TMEM135: variants seen among roughly 807,000 people sequenced by gnomAD.
The protein encoded by TMEM135 is peroxisomal membrane protein 52.
In TMEM135, 30 loss-of-function variants were observed where a neutral mutation model predicts 60.3. The ratio of observed to expected loss-of-function variants is 0.50; its 90% CI spans 0.37 to 0.68. The LOEUF (loss-of-function observed/expected upper bound fraction) is 0.68, where lower values mean the gene tolerates loss of function less well. Ranked by LOEUF, TMEM135 falls within the 30% of genes least tolerant of loss-of-function variation. TMEM135 has a pLI of 0.00. For synonymous variants in TMEM135, 190 were observed against 186.7 expected (o/e 1.02, Z -0.14); for missense variants, 468 against 548.8 (o/e 0.85, Z 1.47).
intron 4 of TMEM135, among the ~76,000 whole-genome samples, chr11:87,096,867 A>G (rs116957796): frequency 0.02 from 3,087 of 152,038 alleles, 35 homozygotes; most frequent in Non-Finnish European, 0.028. Context: ...TTTCTTTTTC[A>G]TTACCCACAT....
In TMEM135 at chr11:87,322,472, C is replaced by T; in HGVS notation, c.*1139C>T. The T allele has an allele frequency of 4.4e-6, 2 of 453,948 alleles. No individual in the cohort carries two copies. The highest frequency in any genetic ancestry group is 3.1e-5 in the South Asian group (2 of 64,472). The allele number at this position is 453,948 out of a possible 1,614,324, so 28.1% of individuals were successfully genotyped here. ...AGTCCTGCTGATAATGAGAGTAGTT[C>T]AGGACAGCTGTGATTGAAATATGGT... is the stretch of plus-strand genomic sequence containing the variant. On this transcript the variant is annotated 3_prime_UTR_variant, in exon 15 of 15. Coordinates refer to ENST00000305494, the MANE Select transcript of TMEM135 (RefSeq NM_022918.4).
At chr11:87,314,357 G>T (rs1395334350) in intron 11 of TMEM135, 114 bp from the exon 12 acceptor site, 3 of 844,754 alleles carry the variant, frequency 3.6e-6, no homozygotes, top group Non-Finnish European at 5.8e-6. Context: ...GTCCTTGATT[G>T]TGTTGTAACA....
intron 5 of TMEM135, among the ~76,000 whole-genome samples, chr11:87,219,660 C>T (rs929592995): frequency 2.0e-5 from 3 of 152,118 alleles, no homozygotes; most frequent in Non-Finnish European, 4.4e-5. Flanking sequence ...GCCATCTCTT[C>T]AAATACAGGT....
chr11:87,130,121 TAA>T (rs112889721), intron 4 of TMEM135, among the ~76,000 whole-genome samples: 3 of 148,150 alleles, frequency 2.0e-5, no homozygotes, highest in African/African-American at 7.5e-5. Flanking sequence ...AGTACATTTT[TAA>T]AAAAAAAAAA....
At chr11:87,252,796 A>ATG (rs1430756887) in intron 6 of TMEM135, among the ~76,000 whole-genome samples, 2 of 81,140 alleles carry the variant, frequency 2.5e-5, no homozygotes, top group South Asian at 8.1e-4. Flanking sequence ...ATTAAAATAT[A>ATG]TATGTGTGTG....
chr11:87,225,382 T>C (rs989749220), intron 5 of TMEM135, among the ~76,000 whole-genome samples: 2 of 152,136 alleles, frequency 1.3e-5, no homozygotes, highest in African/African-American at 4.8e-5. Context: ...ATGTAACATA[T>C]GGTGACCATT....
At chr11:87,189,869 A>G (rs1191165917) in intron 5 of TMEM135, among the ~76,000 whole-genome samples, 1 of 151,944 alleles carries the variant, frequency 6.6e-6, no homozygotes, top group East Asian at 1.9e-4. Context: ...GTGAGCCTTG[A>G]TCATGCTTTG....
At chr11:87,119,609 A>G (rs997505643) in intron 4 of TMEM135, among the ~76,000 whole-genome samples, 1 of 152,222 alleles carries the variant, frequency 6.6e-6, no homozygotes, top group African/African-American at 2.4e-5. Flanking sequence ...TATCTGAGGC[A>G]TGAATCACTT....
At chr11:87,184,789 A>G (rs147881125) in intron 5 of TMEM135, among the ~76,000 whole-genome samples, 1 of 152,300 alleles carries the variant, frequency 6.6e-6, no homozygotes, top group East Asian at 1.9e-4. Context: ...CTTATAAGTT[A>G]ACAATGATTT....
intron 6 of TMEM135, among the ~76,000 whole-genome samples, chr11:87,253,033 T>A (rs951761354): frequency 6.6e-6 from 1 of 152,090 alleles, no homozygotes; most frequent in Admixed American, 6.5e-5. Context: ...CATAGGTTCA[T>A]AAATGCTGTG....
At chr11:87,140,070 CT>C (rs57255672) in intron 4 of TMEM135, among the ~76,000 whole-genome samples, 5,102 of 150,772 alleles carry the variant, frequency 0.034, 255 homozygotes, top group African/African-American at 0.11. Flanking sequence ...TTCTTTCTTT[CT>C]TTTTTTTTGT....
In TMEM135 at chr11:87,324,793, C is replaced by G; in HGVS notation, c.*3460C>G. On this transcript the variant is annotated 3_prime_UTR_variant, in exon 15 of 15. Coordinates refer to ENST00000305494, the MANE Select transcript of TMEM135 (RefSeq NM_022918.4). ...AGCAACAAAGTTGTCCTTTGTTTCCCAAAGGCAAAAGTATACATTTCTTAC... is the reference window on the plus strand; with the variant it reads ...AGCAACAAAGTTGTCCTTTGTTTCCGAAAGGCAAAAGTATACATTTCTTAC... The G allele has an allele frequency of 6.6e-6, 3 of 453,820 alleles. No individual in the cohort carries two copies. The highest frequency in any genetic ancestry group is 4.7e-5 in the South Asian group (3 of 64,448). The allele number at this position is 453,820 out of a possible 1,614,324, so 28.1% of individuals were successfully genotyped here. A position where few individuals can be genotyped will look rare whatever the true frequency, so the allele number is the denominator to read the frequency against.
At chr11:87,118,706 T>A (rs574702451) in intron 4 of TMEM135, among the ~76,000 whole-genome samples, 1 of 152,296 alleles carries the variant, frequency 6.6e-6, no homozygotes, top group African/African-American at 2.4e-5. Context: ...CCTCCCAAAG[T>A]GCTGGGATTA....
intron 5 of TMEM135, among the ~76,000 whole-genome samples, chr11:87,201,255 C>T (rs982426015): frequency 6.6e-5 from 10 of 152,122 alleles, no homozygotes; most frequent in African/African-American, 2.2e-4. Context: ...GTAAAACATA[C>T]ATAAAATCTT....
intron 5 of TMEM135, among the ~76,000 whole-genome samples, chr11:87,177,736 T>G (rs1024283538): frequency 1.3e-5 from 2 of 152,082 alleles, no homozygotes; most frequent in African/African-American, 4.8e-5. Flanking sequence ...TAACTGCCCA[T>G]CAATTAGTAT....
chr11:87,157,400 T>C lies in TMEM135; in HGVS notation c.456T>C (p.Asn152=). ...VARGTITTLR[N]GEVLLFCITA... The stretch of plus-strand genomic sequence containing the variant: ...GAGGAACCATCACAACATTAAGAAA[T>C]GGAGAAGTAAGATGAGAATTTTGAT... The change falls in exon 5 of 15, where the codon AAT becomes AAC. Residue 152 remains asparagine (N), a synonymous_variant. Coordinates refer to ENST00000305494, the MANE Select transcript of TMEM135 (RefSeq NM_022918.4). 3 of 1,612,438 alleles carry C rather than the reference T, an allele frequency of 1.9e-6. No individual in the cohort carries two copies. The highest frequency in any genetic ancestry group is 2.7e-5 in the African/African-American group (2 of 74,864).
intron 3 of TMEM135, among the ~76,000 whole-genome samples, chr11:87,074,265 C>A (rs1685359175): frequency 6.6e-6 from 1 of 152,176 alleles, no homozygotes; most frequent in South Asian, 2.1e-4. Context: ...TGGGCCCGGC[C>A]TGTCGGGTTG....
chr11:87,193,980 C>T (rs1939876355), intron 5 of TMEM135, among the ~76,000 whole-genome samples: 1 of 152,028 alleles, frequency 6.6e-6, no homozygotes, highest in African/African-American at 2.4e-5. Flanking sequence ...GCTTTTTTCA[C>T]TTACTAGCAG....
intron 4 of TMEM135, among the ~76,000 whole-genome samples, chr11:87,108,115 T>C (rs1469618340): frequency 6.6e-6 from 1 of 151,224 alleles, no homozygotes; most frequent in Non-Finnish European, 1.5e-5. Context: ...GGTTGTTTGA[T>C]TTTTTCTTGT....
Sources: gnomAD v4.1 joint callset for allele counts (sites outside exome capture counted in the v4.1 genomes callset) on GRCh38, gnomAD v4.1.1 for gene constraint, MANE v1.5 for transcripts, NCBI Gene and HGNC (gene_info 2026-07-23, HGNC 2026-07-21) for gene names.